SPAG16: variants seen among roughly 807,000 people sequenced by gnomAD.
The protein encoded by SPAG16 is sperm associated antigen 16.
Under a neutral mutation model 80.4 loss-of-function variants are expected in SPAG16, and 86 were observed. The observed-to-expected ratio is 1.07, with a 90% CI of 0.90 to 1.28. The LOEUF (loss-of-function observed/expected upper bound fraction) is 1.28. Among genes scored for constraint, SPAG16 ranks in the 50% most tolerant of loss-of-function variants. The pLI, the probability that SPAG16 is intolerant of heterozygous loss-of-function variation, is 0.00. For missense variants in SPAG16, 870 were observed against 765.3 expected, an observed-to-expected ratio of 1.14 and a Z score of -1.61; for synonymous variants, 294 against 265.9, an observed-to-expected ratio of 1.11 and a Z score of -1.03.
intron 10 of SPAG16, among the ~76,000 whole-genome samples, chr2:213,742,692 C>A (rs1447901363): frequency 2.6e-5 from 4 of 151,364 alleles, no homozygotes; most frequent in Admixed American, 6.6e-5. Flanking sequence ...GCTGGGATTA[C>A]AGGCGCCCAC....
chr2:214,211,623 TC>T (rs1336224504), intron 15 of SPAG16, among the ~76,000 whole-genome samples: 1 of 152,122 alleles, frequency 6.6e-6, no homozygotes, highest in Non-Finnish European at 1.5e-5. Flanking sequence ...TGGTAGCAAA[TC>T]CCAGCTCCCT....
chr2:214,061,893 A>T (rs2050273530), intron 13 of SPAG16, among the ~76,000 whole-genome samples: 1 of 152,010 alleles, frequency 6.6e-6, no homozygotes, highest in Non-Finnish European at 1.5e-5. Context: ...AATTTTAAAA[A>T]TAATTTAACA....
At chr2:213,844,261 A>G (rs1266920398) in intron 10 of SPAG16, among the ~76,000 whole-genome samples, 5 of 152,228 alleles carry the variant, frequency 3.3e-5, no homozygotes, top group African/African-American at 9.6e-5. Context: ...CCAACACAAA[A>G]GTTTTATCTC....
At chr2:213,419,961 C>G (rs149364255) in intron 9 of SPAG16, among the ~76,000 whole-genome samples, 2 of 152,244 alleles carry the variant, frequency 1.3e-5, no homozygotes, top group East Asian at 3.9e-4. Context: ...AGTAGATGAA[C>G]GTATGACAGG....
intron 15 of SPAG16, among the ~76,000 whole-genome samples, chr2:214,186,211 G>A (rs977745205): frequency 3.3e-5 from 5 of 152,132 alleles, no homozygotes; most frequent in South Asian, 2.1e-4. Context: ...ACAGAACTGT[G>A]TTGAATAAGC....
intron 10 of SPAG16, among the ~76,000 whole-genome samples, chr2:213,509,570 A>T (rs575376649): frequency 4.6e-5 from 7 of 152,324 alleles, no homozygotes; most frequent in Admixed American, 6.5e-5. Flanking sequence ...AATGTACGGG[A>T]TATAATCTCC....
At chr2:213,357,935 C>T (rs986197179) in intron 7 of SPAG16, among the ~76,000 whole-genome samples, 2 of 152,118 alleles carry the variant, frequency 1.3e-5, no homozygotes, top group Middle Eastern at 3.2e-3. Context: ...TTCAGGAGCT[C>T]TTGTAAGGCA....
At chr2:214,140,281 C>A (rs970078648) in intron 14 of SPAG16, among the ~76,000 whole-genome samples, 1 of 150,816 alleles carries the variant, frequency 6.6e-6, no homozygotes, top group African/African-American at 2.4e-5. Flanking sequence ...AGCTTCCAAA[C>A]TTTTTTTTAA....
At chr2:213,413,820 C>T (rs544708611) in intron 9 of SPAG16, among the ~76,000 whole-genome samples, 63 of 152,208 alleles carry the variant, frequency 4.1e-4, no homozygotes, top group African/African-American at 1.4e-3. Flanking sequence ...ACAGCACAAA[C>T]CAACAATTTA....
intron 15 of SPAG16, among the ~76,000 whole-genome samples, chr2:214,343,703 T>G (rs1912219): frequency 0.55 from 83,607 of 151,660 alleles, 28,079 homozygotes; most frequent in Non-Finnish European, 0.74. Flanking sequence ...CTATTTCCAT[T>G]TAGTTAGTCT....
chr2:213,468,534 G>GAGAT (rs1233608478), intron 9 of SPAG16, among the ~76,000 whole-genome samples: 1 of 118,822 alleles, frequency 8.4e-6, no homozygotes, highest in Non-Finnish European at 1.7e-5. Flanking sequence ...TTTATATATA[G>GAGAT]ATATATATAT....
chr2:214,410,258 C>T lies in SPAG16; in HGVS notation c.1839C>T (p.His613=). ...AGGCACACACGGTTGTGTTTTCTCA[C>T]GACGGGGAGATTCTCTTTTCTGGAG... is the stretch of plus-strand genomic sequence containing the variant. The part of the protein sequence containing the change: ...ENEAHTVVFS[H]DGEILFSGGS... The change falls in exon 16 of 16, where the codon CAC becomes CAT. Residue 613 remains histidine (H), a synonymous_variant. Coordinates refer to ENST00000331683, the MANE Select transcript of SPAG16 (RefSeq NM_024532.5). The T allele has an allele frequency of 6.2e-7, 1 of 1,611,754 alleles. No individual in the cohort carries two copies. The highest frequency in any genetic ancestry group is 8.5e-7 in the Non-Finnish European group (1 of 1,178,004).
intron 10 of SPAG16, among the ~76,000 whole-genome samples, chr2:213,728,295 G>A (rs2066865730): frequency 6.6e-6 from 1 of 152,162 alleles, no homozygotes; most frequent in South Asian, 2.1e-4. Flanking sequence ...GGCTTCCTTA[G>A]AGTCTCAGCC....
At chr2:214,265,411 G>T (rs1445418879) in intron 15 of SPAG16, among the ~76,000 whole-genome samples, 1 of 151,936 alleles carries the variant, frequency 6.6e-6, no homozygotes, top group Non-Finnish European at 1.5e-5. Context: ...TTCTTTGATG[G>T]TGTGTCTGTG....
chr2:214,083,865 G>T (rs1293149901), intron 13 of SPAG16, among the ~76,000 whole-genome samples: 1 of 151,970 alleles, frequency 6.6e-6, no homozygotes, highest in Non-Finnish European at 1.5e-5. Flanking sequence ...TGGATCCACT[G>T]TAATTCTTTT....
intron 6 of SPAG16, among the ~76,000 whole-genome samples, chr2:213,340,926 A>AT (rs2124961146): frequency 6.6e-6 from 1 of 152,322 alleles, no homozygotes; most frequent in South Asian, 2.1e-4. Flanking sequence ...TTGTGATGAT[A>AT]TAAATACTCT....
chr2:213,781,578 C>G (rs2069974406), intron 10 of SPAG16, among the ~76,000 whole-genome samples: 1 of 152,064 alleles, frequency 6.6e-6, no homozygotes, highest in African/African-American at 2.4e-5. Flanking sequence ...GTCTTTAGTC[C>G]TGCTCACAAC....
intron 9 of SPAG16, among the ~76,000 whole-genome samples, chr2:213,462,116 G>A (rs1310354528): frequency 6.6e-6 from 1 of 152,192 alleles, no homozygotes; most frequent in Non-Finnish European, 1.5e-5. Context: ...TAAGAGGCAA[G>A]GCATTGTGTA....
chr2:213,417,983 C>T (rs1446809375), intron 9 of SPAG16, among the ~76,000 whole-genome samples: 5 of 151,776 alleles, frequency 3.3e-5, no homozygotes, highest in Non-Finnish European at 7.4e-5. Context: ...AAGCAATTCT[C>T]CTGCCTCAGC....
Sources: allele counts gnomAD v4.1 joint callset (sites outside exome capture counted in the v4.1 genomes callset), GRCh38; gene constraint gnomAD v4.1.1; transcripts MANE v1.5; gene names NCBI Gene and HGNC (gene_info 2026-07-23, HGNC 2026-07-21).